Variants in USH2A observed in about 807,000 individuals in gnomAD.
USH2A encodes Usher syndrome 2A (autosomal recessive, mild).
A neutral mutation model predicts 538.9 loss-of-function variants in USH2A; 443 were observed. The observed-to-expected ratio is 0.82, with a 90% CI of 0.76 to 0.89. USH2A has a LOEUF of 0.89. Ranked by LOEUF, USH2A falls within the 40% of genes least tolerant of loss-of-function variation. The pLI, the probability that USH2A is intolerant of heterozygous loss-of-function variation, is 0.00. For synonymous variants in USH2A, 2,413 were observed against 2,273.5 expected (o/e 1.06, Z -1.75); for missense variants, 6,633 against 6,324.8 (o/e 1.05, Z -1.65).
intron 21 of USH2A, among the ~76,000 whole-genome samples, chr1:216,116,917 T>C (rs1437995382): frequency 1.3e-5 from 2 of 152,122 alleles, no homozygotes; most frequent in Non-Finnish European, 2.9e-5. Context: ...ATTTTGAGTG[T>C]GCTGGAATAG....
chr1:216,185,026 C>T (rs2034570579), intron 20 of USH2A, among the ~76,000 whole-genome samples: 1 of 151,870 alleles, frequency 6.6e-6, no homozygotes, highest in African/African-American at 2.4e-5. Flanking sequence ...AAACTAAACT[C>T]AATTTGCAAT....
chr1:216,054,231 C>T (rs1004839266), intron 30 of USH2A, among the ~76,000 whole-genome samples: 12 of 152,200 alleles, frequency 7.9e-5, no homozygotes, highest in African/African-American at 2.7e-4. Context: ...TGACTCCCAC[C>T]ACGCCCCTTC....
At chr1:215,645,724 A>G (rs1038292233) in intron 67 of USH2A, among the ~76,000 whole-genome samples, 1 of 152,178 alleles carries the variant, frequency 6.6e-6, no homozygotes, top group African/African-American at 2.4e-5. Flanking sequence ...TGCCAGATAG[A>G]GTATTTTAGG....
intron 21 of USH2A, among the ~76,000 whole-genome samples, chr1:216,142,618 T>C (rs2033623189): frequency 6.6e-6 from 1 of 152,196 alleles, no homozygotes; most frequent in Non-Finnish European, 1.5e-5. Context: ...GCTGTAAAAC[T>C]AGCTGATACA....
At chr1:216,018,968 A>G (rs1477190568) in intron 32 of USH2A, among the ~76,000 whole-genome samples, 1 of 152,158 alleles carries the variant, frequency 6.6e-6, no homozygotes, top group Admixed American at 6.5e-5. Flanking sequence ...ATTACTTAGC[A>G]AGCTATCAAT....
At chr1:216,293,188 C>T (rs572281307) in intron 9 of USH2A, among the ~76,000 whole-genome samples, 1 of 152,176 alleles carries the variant, frequency 6.6e-6, no homozygotes, top group Admixed American at 6.5e-5. Context: ...CCACGCTTGG[C>T]TAATTTTTTG....
intron 3 of USH2A, among the ~76,000 whole-genome samples, chr1:216,414,378 A>G (rs1004283825): frequency 6.6e-6 from 1 of 152,146 alleles, no homozygotes; most frequent in East Asian, 1.9e-4. Flanking sequence ...GTTTTGGAAT[A>G]AAAGCTGTGA....
Position 216,323,700 on chromosome 1 carries a change from T to C in USH2A, c.1329-5A>G. 1 of 1,612,898 alleles carries C rather than the reference T, an allele frequency of 6.2e-7. No homozygotes were observed. Among genetic ancestry groups the C allele is most frequent in the South Asian group, 1.1e-5 (1 of 91,030 alleles). On this transcript the variant is annotated splice_region_variant and splice_polypyrimidine_tract_variant and intron_variant, in intron 7 of 71. Coordinates refer to ENST00000307340, the MANE Select transcript of USH2A (RefSeq NM_206933.4). Reference sequence around the variant, plus strand: ...CCACGGGAATATGGAGTAAAACTGTTAATGAAAGAAATTCGATGTCATGAA... The same window carrying C: ...CCACGGGAATATGGAGTAAAACTGTCAATGAAAGAAATTCGATGTCATGAA...
In USH2A at chr1:215,996,677, T is replaced by C. The variant is rs1233710164; in HGVS notation, c.6657+2210A>G. Among the ~76,000 whole-genome samples, 10 of 141,804 alleles carry C rather than the reference T, an allele frequency of 7.1e-5. No individual in the cohort carries two copies. In the East Asian group the frequency reaches 2.1e-3, roughly 30 times the overall value. The allele number at this position is 141,804 out of a possible 152,430, so 93.0% of individuals were successfully genotyped here. A position where few individuals can be genotyped will look rare whatever the true frequency, so the allele number is the denominator to read the frequency against. ...CAAATTATTTAATTCATATCAAAAGTCTTAGAACCTTTATGAAATGATGTC... is the reference window on the plus strand; with the variant it reads ...CAAATTATTTAATTCATATCAAAAGCCTTAGAACCTTTATGAAATGATGTC... On this transcript the variant is annotated intron_variant, in intron 34 of 71. Transcript: ENST00000307340.
intron 32 of USH2A, among the ~76,000 whole-genome samples, chr1:216,010,642 A>G (rs56814450): frequency 0.14 from 21,298 of 151,492 alleles, 1,590 homozygotes; most frequent in Middle Eastern, 0.23. Context: ...TAACTGTTGC[A>G]GGTATTGACG....
intron 37 of USH2A, among the ~76,000 whole-genome samples, chr1:215,958,912 T>C (rs1667134248): frequency 6.6e-6 from 1 of 152,184 alleles, no homozygotes; most frequent in Admixed American, 6.5e-5. Flanking sequence ...AGCCAAAACA[T>C]AAGAAGAAAG....
At chr1:216,279,376 A>T (rs1353622511) in intron 11 of USH2A, among the ~76,000 whole-genome samples, 1 of 152,162 alleles carries the variant, frequency 6.6e-6, no homozygotes, top group Non-Finnish European at 1.5e-5. Flanking sequence ...AGGATGGAGC[A>T]AAGTAAACCC....
rs1488932457 is a variant in USH2A at position 216,289,550 on chromosome 1, T to G, written c.1841-140A>C. On this transcript the variant is annotated intron_variant, in intron 10 of 71. Coordinates refer to ENST00000307340, the MANE Select transcript of USH2A (RefSeq NM_206933.4). Reference sequence around the variant, plus strand: ...TTTTAATGCACCTTTCATCTCTACCTGCCAATTTAGTGATCCAGAGCATAT... The same window carrying G: ...TTTTAATGCACCTTTCATCTCTACCGGCCAATTTAGTGATCCAGAGCATAT... 8.9e-6 allele frequency: 10 copies of G among 1,129,082 alleles called. No homozygotes were observed. The South Asian group carries it at 1.3e-4, about 15-fold the overall frequency. The allele number at this position is 1,129,082 out of a possible 1,614,324, so 69.9% of individuals were successfully genotyped here.
intron 49 of USH2A, among the ~76,000 whole-genome samples, chr1:215,805,821 A>T (rs1350090150): frequency 6.7e-6 from 1 of 149,620 alleles, no homozygotes; most frequent in Non-Finnish European, 1.5e-5. Flanking sequence ...AAAAGAAAAA[A>T]AATTCAGACC....
intron 55 of USH2A, among the ~76,000 whole-genome samples, chr1:215,768,932 A>T (rs1661204658): frequency 6.6e-6 from 1 of 152,162 alleles, no homozygotes; most frequent in Admixed American, 6.5e-5. Flanking sequence ...AATGTTGAAC[A>T]AATATTGCTT....
chr1:215,869,678 C>G (rs1409230783), intron 43 of USH2A, among the ~76,000 whole-genome samples: 1 of 152,122 alleles, frequency 6.6e-6, no homozygotes, highest in Non-Finnish European at 1.5e-5. Flanking sequence ...GGATACCTAG[C>G]CTCCTCTCCT....
chr1:216,094,952 G>T (rs2102570754), intron 22 of USH2A, among the ~76,000 whole-genome samples: 1 of 137,436 alleles, frequency 7.3e-6, no homozygotes, highest in East Asian at 2.0e-4. Context: ...ATGTGCGTGT[G>T]TAGGTGTGTG....
At chr1:215,907,383 C>T (rs1211772345) in intron 38 of USH2A, among the ~76,000 whole-genome samples, 1 of 151,998 alleles carries the variant, frequency 6.6e-6, no homozygotes, top group African/African-American at 2.4e-5. Context: ...CCTTCCTTTC[C>T]ACTAAATTTC....
intron 47 of USH2A, among the ~76,000 whole-genome samples, chr1:215,836,550 T>TA (rs1553267781): frequency 1.1e-4 from 2 of 18,378 alleles, no homozygotes; most frequent in Non-Finnish European, 1.8e-4. Context: ...ATAATATATA[T>TA]ATATATATAT....
Sources: allele counts gnomAD v4.1 joint callset (sites outside exome capture counted in the v4.1 genomes callset), GRCh38; gene constraint gnomAD v4.1.1; transcripts MANE v1.5; gene names NCBI Gene and HGNC (gene_info 2026-07-23, HGNC 2026-07-21).